IL31RA: variants seen among roughly 807,000 people sequenced by gnomAD.
IL31RA encodes the protein interleukin-31 receptor subunit alpha.
IL31RA carries 66 observed loss-of-function variants against 83.7 expected under a neutral mutation model. That is an observed-to-expected ratio of 0.79 (90% CI 0.65 to 0.97). The LOEUF (loss-of-function observed/expected upper bound fraction) is 0.97, where lower values mean the gene tolerates loss of function less well. Ranked by LOEUF, IL31RA falls within the 50% of genes least tolerant of loss-of-function variation. The probability of loss-of-function intolerance (pLI) is 0.00; values close to 1 mark genes in which losing one functional copy is unlikely to be tolerated. For synonymous variants in IL31RA, 325 were observed against 329.0 expected (o/e 0.99, Z 0.13); for missense variants, 798 against 919.4 (o/e 0.87, Z 1.71).
At chr5:55,876,906 T>C (rs1746886440) in intron 4 of IL31RA, among the ~76,000 whole-genome samples, 1 of 152,172 alleles carries the variant, frequency 6.6e-6, no homozygotes, top group Non-Finnish European at 1.5e-5. Context: ...GTTGGATTTT[T>C]TTTTCTTTAA....
At position 55,908,360 on chromosome 5, in the gene IL31RA, A is replaced by G; in HGVS notation, c.1450A>G (p.Ile484Val). 6.2e-7 allele frequency: 1 copy of G among 1,614,204 alleles called. No homozygotes were observed. The highest frequency in any genetic ancestry group is 8.5e-7 in the Non-Finnish European group (1 of 1,180,034). ...KEIPKSERKG[I>V]ICNYTIFYQA... The stretch of plus-strand genomic sequence containing the variant: ...GATTCCCAAGAGTGAGAGAAAGGGT[A>G]TCATCTGCAACTACACCATCTTTTA... Residue 484 changes from isoleucine (I) to valine (V), a missense_variant, in exon 11 of 15, where the codon ATC becomes GTC. Physicochemically the swap from Ile to Val is conservative, Grantham distance 29. Coordinates refer to ENST00000652347, the MANE Select transcript of IL31RA (RefSeq NM_139017.7).
chr5:55,873,660 T>G (rs1746670378), intron 4 of IL31RA, among the ~76,000 whole-genome samples: 1 of 152,146 alleles, frequency 6.6e-6, no homozygotes, highest in Non-Finnish European at 1.5e-5. Flanking sequence ...TCTAATGATA[T>G]TGAACATTTT....
In IL31RA at chr5:55,908,271, C is replaced by T; in HGVS notation, c.1361C>T (p.Ser454Leu). ...IQAYAKEGVPSEGPETKVENI... is the reference protein window; with the variant it reads ...IQAYAKEGVPLEGPETKVENI... Reference sequence around the variant, plus strand: ...ATCCCTCTGTCCTTTCCAGTTCCATCAGAAGGTCCTGAGACCAAGGTGGAG... The same window carrying T: ...ATCCCTCTGTCCTTTCCAGTTCCATTAGAAGGTCCTGAGACCAAGGTGGAG... Residue 454 changes from serine to leucine, a missense_variant, in exon 11 of 15, where the codon TCA (serine) becomes TTA (leucine). Physicochemically the swap from Ser to Leu is moderately radical, Grantham distance 145. Transcript: ENST00000652347. 8 of 1,614,172 alleles carry T rather than the reference C, an allele frequency of 5.0e-6. No individual in the cohort carries two copies. The highest frequency in any genetic ancestry group is 5.9e-6 in the Non-Finnish European group (7 of 1,180,046).
chr5:55,917,338 C>A lies in IL31RA; in HGVS notation c.*218C>A. The A allele has an allele frequency of 7.0e-7, 1 of 1,426,974 alleles. No homozygotes were observed. The highest frequency in any genetic ancestry group is 9.1e-7 in the Non-Finnish European group (1 of 1,093,600). The allele number at this position is 1,426,974 out of a possible 1,614,324, so 88.4% of individuals were successfully genotyped here. On this transcript the variant is annotated 3_prime_UTR_variant, in exon 15 of 15. Coordinates refer to ENST00000652347, the MANE Select transcript of IL31RA (RefSeq NM_139017.7). ...GATAAGCCCGAGTTTTGTAAAGGAA[C>A]AGCAGTCTCTTTTCGTTTGTTCAGA...
rs1013342793 is a variant in IL31RA, at chr5:55,918,994, G to A, written c.*1874G>A. On this transcript the variant is annotated 3_prime_UTR_variant, in exon 15 of 15. Transcript: ENST00000652347. ...AAGAGATGCGTCCAATTCTCATGCC[G>A]CCCCTGATGTCTGCTCTCCCTGCTC... Among the ~76,000 whole-genome samples the A allele has an allele frequency of 1.3e-5, 2 of 152,114 alleles. No homozygotes were observed. Among genetic ancestry groups the A allele is most frequent in the African/African-American group, 4.8e-5 (2 of 41,418 alleles).
intron 8 of IL31RA, among the ~76,000 whole-genome samples, chr5:55,901,540 A>C (rs535012923): frequency 6.6e-6 from 1 of 151,836 alleles, no homozygotes; most frequent in Non-Finnish European, 1.5e-5. Context: ...ATTAAATGAG[A>C]TCATGTATGT....
chr5:55,905,239 AAG>A (rs2112549903), intron 8 of IL31RA, among the ~76,000 whole-genome samples: 1 of 151,984 alleles, frequency 6.6e-6, no homozygotes, highest in Admixed American at 6.5e-5. Flanking sequence ...GAAAAAGAAA[AAG>A]AAACGCTTTT....
intron 7 of IL31RA, among the ~76,000 whole-genome samples, chr5:55,899,590 T>G (rs530388023): frequency 6.6e-6 from 1 of 152,364 alleles, no homozygotes; most frequent in African/African-American, 2.4e-5. Context: ...TGTCAGCTTT[T>G]TAGCCCTTAC....
chr5:55,896,292 T>A (rs1431425966), intron 6 of IL31RA, 58 bp from the exon 7 acceptor site: 4 of 1,194,510 alleles, frequency 3.3e-6, no homozygotes, highest in Non-Finnish European at 5.0e-6. Context: ...TAACCTTTCC[T>A]GTCTCCTCTG....
chr5:55,883,294 A>G (rs1412043518), intron 5 of IL31RA, 99 bp downstream of exon 5: 6 of 1,116,028 alleles, frequency 5.4e-6, no homozygotes, highest in Non-Finnish European at 8.1e-6. Context: ...CACTTTTTAC[A>G]TTAAAAATAG....
Position 55,914,850 on chromosome 5 carries a change from A to G in IL31RA, c.1740A>G (p.Lys580=). ...TTAAAATCTTCTCTCTCATTAGCAA[A>G]TTGACTCATCTGTGTTGGCCCACCG... ...TVAYGLKKPN[K]LTHLCWPTVP... is the part of the protein sequence containing the mutation. The change falls in exon 14 of 15, where the codon AAA becomes AAG. Residue 580 remains lysine, a synonymous_variant. Coordinates refer to ENST00000652347, the MANE Select transcript of IL31RA (RefSeq NM_139017.7). The G allele has an allele frequency of 1.2e-6, 2 of 1,610,338 alleles. No homozygotes were observed. Among genetic ancestry groups the G allele is most frequent in the Middle Eastern group, 1.7e-4 (1 of 6,050 alleles).
Position 55,918,131 on chromosome 5 carries a change from A to G in IL31RA, c.*1011A>G, listed in dbSNP as rs571453270. Among the ~76,000 whole-genome samples the G allele has an allele frequency of 1.1e-4, 17 of 152,324 alleles. No homozygotes were observed. The South Asian group carries it at 2.7e-3, about 24-fold the overall frequency. On this transcript the variant is annotated 3_prime_UTR_variant, in exon 15 of 15. Transcript: ENST00000652347. ...CACGAAAGTGTGGATTGCTGGCTTC[A>G]GCACTGAGATAGTACTGGGCTCCTC... is the stretch of plus-strand genomic sequence containing the variant.
At chr5:55,902,128 C>T (rs1748859478) in intron 8 of IL31RA, among the ~76,000 whole-genome samples, 1 of 152,136 alleles carries the variant, frequency 6.6e-6, no homozygotes, top group African/African-American at 2.4e-5. Flanking sequence ...TCTGGTTGGA[C>T]ACTTGTTATT....
At chr5:55,867,095 GTGTT>G (rs557437846) in intron 2 of IL31RA, among the ~76,000 whole-genome samples, 24,112 of 69,758 alleles carry the variant, frequency 0.35, 3,658 homozygotes, top group Middle Eastern at 0.42. Context: ...TTGTGTGTGT[GTGTT>G]TGTGTGTGTG....
At chr5:55,875,441 T>C in intron 4 of IL31RA, among the ~76,000 whole-genome samples, 1 of 152,158 alleles carries the variant, frequency 6.6e-6, no homozygotes, top group East Asian at 1.9e-4. Flanking sequence ...GTGTTAATTA[T>C]TTTTAAACCT....
chr5:55,867,874 G>A (rs1746284192), intron 2 of IL31RA, among the ~76,000 whole-genome samples: 1 of 152,048 alleles, frequency 6.6e-6, no homozygotes, highest in Admixed American at 6.6e-5. Flanking sequence ...AATAGCACAG[G>A]AAAAACCAGC....
At chr5:55,868,234 T>C (rs1729300110) in intron 2 of IL31RA, among the ~76,000 whole-genome samples, 1 of 152,146 alleles carries the variant, frequency 6.6e-6, no homozygotes, top group Non-Finnish European at 1.5e-5. Context: ...CTGTTCTAGA[T>C]GGTAGTATCT....
intron 3 of IL31RA, among the ~76,000 whole-genome samples, chr5:55,869,184 C>G (rs1402142890): frequency 1.3e-5 from 2 of 152,196 alleles, no homozygotes; most frequent in African/African-American, 4.8e-5. Context: ...CTACACTCAA[C>G]TATACCCTGC....
intron 4 of IL31RA, among the ~76,000 whole-genome samples, chr5:55,872,988 CAT>C (rs1746624736): frequency 6.6e-6 from 1 of 152,050 alleles, no homozygotes; most frequent in Non-Finnish European, 1.5e-5. Context: ...CAAAGTTGTA[CAT>C]ATGTTACCAC....
Sources: allele counts gnomAD v4.1 joint callset (sites outside exome capture counted in the v4.1 genomes callset), GRCh38; gene constraint gnomAD v4.1.1; transcripts MANE v1.5; gene names NCBI Gene and HGNC (gene_info 2026-07-23, HGNC 2026-07-21).